CFAP70: variants seen among roughly 807,000 people sequenced by gnomAD.
The protein encoded by CFAP70 is cilia and flagella associated protein 70.
A neutral mutation model predicts 137.6 loss-of-function variants in CFAP70; 81 were observed. The observed-to-expected ratio is 0.59, with a 90% confidence interval of 0.49 to 0.71. The LOEUF (loss-of-function observed/expected upper bound fraction) is 0.71, where lower values mean the gene tolerates loss of function less well. CFAP70 is among the 30% of genes least tolerant of loss of function. The pLI is 0.00. For missense variants in CFAP70, 976 were observed against 1,226.7 expected, an observed-to-expected ratio of 0.80 and a Z score of 3.05; for synonymous variants, 382 against 423.6, an observed-to-expected ratio of 0.90 and a Z score of 1.20.
chr10:73,308,810 G>GA (rs199522556), intron 12 of CFAP70, among the ~76,000 whole-genome samples: 5,592 of 92,302 alleles, frequency 0.061, 338 homozygotes, highest in African/African-American at 0.16. Flanking sequence ...CAAGAGAAAT[G>GA]AAAAAAAAAA....
chr10:73,349,782 C>T (rs1012051713), intron 3 of CFAP70, among the ~76,000 whole-genome samples: 5 of 152,154 alleles, frequency 3.3e-5, no homozygotes, highest in Non-Finnish European at 7.4e-5. Context: ...CTAAATTTAA[C>T]AATTTTTTTG....
chr10:73,331,514 T>C (rs76566137), intron 7 of CFAP70, among the ~76,000 whole-genome samples: 6,924 of 152,038 alleles, frequency 0.046, 482 homozygotes, highest in African/African-American at 0.15. Context: ...ATTCCATCTC[T>C]ATGAAAAATA....
At chr10:73,271,763 T>C (rs1377498029) in intron 24 of CFAP70, among the ~76,000 whole-genome samples, 1 of 152,106 alleles carries the variant, frequency 6.6e-6, no homozygotes, top group African/African-American at 2.4e-5. Flanking sequence ...GGCACAATCA[T>C]GGCTCACTGC....
intron 8 of CFAP70, among the ~76,000 whole-genome samples, chr10:73,330,878 A>T (rs1183614157): frequency 6.6e-6 from 1 of 152,342 alleles, no homozygotes; most frequent in African/African-American, 2.4e-5. Context: ...TGGTAAAACT[A>T]TTGTGAAGGG....
intron 15 of CFAP70, 189 bp downstream of exon 16, chr10:73,296,849 CTTGT>C (rs1202877339): frequency 9.4e-6 from 4 of 423,840 alleles, no homozygotes; most frequent in Non-Finnish European, 1.6e-5. Flanking sequence ...AGCATATCTC[CTTGT>C]TTTTTTCCAA....
chr10:73,322,024 T>G (rs1256224204), intron 9 of CFAP70, among the ~76,000 whole-genome samples: 1 of 152,216 alleles, frequency 6.6e-6, no homozygotes, highest in African/African-American at 2.4e-5. Flanking sequence ...CCTCAGGCAA[T>G]CTGCCTGCCT....
chr10:73,322,964 T>G, exon 9 of CFAP70: 1 of 1,584,006 alleles, frequency 6.3e-7, no homozygotes, highest in Non-Finnish European at 8.5e-7. Context: ...TTTTCTTACC[T>G]TTTCATGGAC....
chr10:73,347,111 T>C (rs954623052), intron 4 of CFAP70: 12 of 152,190 alleles, frequency 7.9e-5, no homozygotes, highest in Admixed American at 2.6e-4. Context: ...TTTAGGTATA[T>C]GTAAGTAAGT....
chr10:73,344,968 G>T, intron 5 of CFAP70, 97 bp downstream of exon 6: 1 of 930,352 alleles, frequency 1.1e-6, no homozygotes, highest in Non-Finnish European at 1.7e-6. Context: ...TATTAGCAGT[G>T]CAATGCTTTG....
chr10:73,344,672 T>C (rs2053558838), intron 5 of CFAP70, among the ~76,000 whole-genome samples: 1 of 152,194 alleles, frequency 6.6e-6, no homozygotes, highest in African/African-American at 2.4e-5. Flanking sequence ...AAACTCCATA[T>C]CCAATCATTC....
At chr10:73,311,609 ATAATATTT>A (rs2049929086) in intron 11 of CFAP70, among the ~76,000 whole-genome samples, 1 of 152,218 alleles carries the variant, frequency 6.6e-6, no homozygotes, top group Admixed American at 6.5e-5. Flanking sequence ...AACAAAAGAT[ATAATATTT>A]TAATGCTGGA....
At chr10:73,260,448 G>A (rs895788915) in intron 25 of CFAP70, among the ~76,000 whole-genome samples, 2 of 152,086 alleles carry the variant, frequency 1.3e-5, no homozygotes, top group African/African-American at 2.4e-5. Context: ...ACCATTTAGT[G>A]AAGAATCCAT....
Position 73,277,310 on chromosome 10 carries a change from T to C in CFAP70, c.2450A>G (p.Tyr817Cys), listed in dbSNP as rs372485835. Residue 817 changes from tyrosine to cysteine, a missense_variant, in exon 21 of 27, where the codon TAT (tyrosine) becomes TGT (cysteine). Physicochemically the swap from Tyr to Cys is radical, Grantham distance 194 (BLOSUM62 -2). Coordinates refer to ENST00000310715, the Ensembl canonical transcript of CFAP70. ...GATGGTGGTAGTTTGAGAAACACCA[T>C]AATGAAGGCCGGGATGCAGAAGAGC... 1.3e-4 allele frequency: 205 copies of C among 1,614,044 alleles called. No individual in the cohort carries two copies. Among genetic ancestry groups the C allele is most frequent in the Non-Finnish European group, 1.7e-4 (198 of 1,180,014 alleles).
chr10:73,331,380 C>A, intron 7 of CFAP70, 104 bp from the exon 9 acceptor site: 3 of 964,996 alleles, frequency 3.1e-6, no homozygotes, highest in Non-Finnish European at 4.5e-6. Context: ...ATAGAATATA[C>A]ATATATAAAA....
chr10:73,341,693 C>T, intron 5 of CFAP70, 112 bp from the exon 7 acceptor site: 1 of 890,360 alleles, frequency 1.1e-6, no homozygotes, highest in Non-Finnish European at 1.7e-6. Flanking sequence ...AAACATACCC[C>T]TCTACGATTA....
chr10:73,301,399 C>G (rs942802990), intron 12 of CFAP70, among the ~76,000 whole-genome samples: 6 of 152,172 alleles, frequency 3.9e-5, no homozygotes, highest in Non-Finnish European at 7.3e-5. Flanking sequence ...CTCTCTCTGT[C>G]TTTTGCTCCT....
intron 25 of CFAP70, among the ~76,000 whole-genome samples, chr10:73,264,970 T>C (rs909886541): frequency 1.3e-5 from 2 of 152,302 alleles, no homozygotes; most frequent in African/African-American, 2.4e-5. Context: ...TGCCCACTCA[T>C]GTCCTGTAGA....
chr10:73,325,102 C>A (rs2051270523), intron 8 of CFAP70, among the ~76,000 whole-genome samples: 1 of 152,162 alleles, frequency 6.6e-6, no homozygotes, highest in African/African-American at 2.4e-5. Context: ...TCAGGTTACC[C>A]ACAAAGGGAA....
intron 15 of CFAP70, chr10:73,296,468 G>A (rs1186601785): frequency 6.6e-6 from 1 of 152,260 alleles, no homozygotes; most frequent in East Asian, 1.9e-4. Flanking sequence ...GACACTACCA[G>A]GGGACAAAAA....
Sources: gnomAD v4.1 joint callset for allele counts (sites outside exome capture counted in the v4.1 genomes callset) on GRCh38, gnomAD v4.1.1 for gene constraint, MANE v1.5 for transcripts, NCBI Gene and HGNC (gene_info 2026-07-23, HGNC 2026-07-21) for gene names.